The following SATB1 variants were observed in gnomAD, a reference collection of about 807,000 sequenced individuals.
SATB1 encodes the protein SATB homeobox 1, also known as DNA-binding protein SATB1.
In SATB1, 11 loss-of-function variants were observed where a neutral mutation model predicts 86.9. The ratio of observed to expected loss-of-function variants is 0.13; its 90% CI spans 0.08 to 0.21. The LOEUF is 0.21. SATB1 is among the 10% of genes least tolerant of loss of function. The pLI, the probability that SATB1 is intolerant of heterozygous loss-of-function variation, is 1.00. For synonymous variants in SATB1, 357 were observed against 357.2 expected (o/e 1.00, Z 0.01); for missense variants, 551 against 937.6 (o/e 0.59, Z 5.39).
At chr3:18,427,935 A>G (rs181721241), upstream of SATB1, among the ~76,000 whole-genome samples, 16 of 152,390 alleles carry the variant, frequency 1.0e-4, no homozygotes, top group African/African-American at 3.8e-4. Flanking sequence ...CTAGTGGTAT[A>G]CATCACTGAT....
Position 18,347,572 on chromosome 3 carries a change from AAT to A in SATB1, c.*1596_*1597del, listed in dbSNP as rs1398156367. The A allele has an allele frequency of 6.6e-6, 1 of 152,176 alleles. No individual in the cohort carries two copies. Among genetic ancestry groups the A allele is most frequent in the Admixed American group, 6.5e-5 (1 of 15,280 alleles). 9.4% of individuals were successfully genotyped at this position (152,176 alleles called of 1,614,324 possible). A position where few individuals can be genotyped will look rare whatever the true frequency, so the allele number is the denominator to read the frequency against. On this transcript the variant is annotated 3_prime_UTR_variant, in exon 11 of 11. Coordinates refer to ENST00000338745, the MANE Select transcript of SATB1 (RefSeq NM_002971.6). ...TTTGTTACTATTAATGGCCTTTAGA[AAT>A]ATTTATACATTAGCTTAAGGAAAAG...
At chr3:18,441,816 G>T (rs1699250795), upstream of SATB1, among the ~76,000 whole-genome samples, 1 of 152,130 alleles carries the variant, frequency 6.6e-6, no homozygotes, top group Non-Finnish European at 1.5e-5. Flanking sequence ...AGATATTTTA[G>T]TCTTTACTAA....
chr3:18,360,814 T>C (rs749623590), intron 9 of SATB1, among the ~76,000 whole-genome samples: 51 of 152,108 alleles, frequency 3.4e-4, no homozygotes, highest in Non-Finnish European at 6.9e-4. Flanking sequence ...GCCTTAAATG[T>C]CTCCAAGCAC....
At chr3:18,409,054 G>C (rs568060943) in intron 5 of SATB1, 15 of 151,906 alleles carry the variant, frequency 9.9e-5, no homozygotes, top group Non-Finnish European at 1.8e-4. Flanking sequence ...TGAGGTCAAA[G>C]GAAACCTATT....
chr3:18,376,389 G>A (rs180766127), intron 9 of SATB1, among the ~76,000 whole-genome samples: 1 of 152,020 alleles, frequency 6.6e-6, no homozygotes, highest in East Asian at 1.9e-4. Context: ...TACATGTCCA[G>A]TTTCTCCATT....
intron 5 of SATB1, chr3:18,409,579 T>A (rs562597835): frequency 6.6e-6 from 1 of 151,972 alleles, no homozygotes; most frequent in African/African-American, 2.4e-5. Context: ...ATTACAGTAA[T>A]ACAATTGCTG....
At chr3:18,410,619 T>C (rs1393708666) in intron 5 of SATB1, among the ~76,000 whole-genome samples, 1 of 152,112 alleles carries the variant, frequency 6.6e-6, no homozygotes, top group East Asian at 1.9e-4. Flanking sequence ...GGAAATGGAA[T>C]GCCTGGCATA....
chr3:18,382,722 A>G (rs1696127281), intron 8 of SATB1, among the ~76,000 whole-genome samples: 1 of 152,216 alleles, frequency 6.6e-6, no homozygotes, highest in Non-Finnish European at 1.5e-5. Flanking sequence ...TTTGTCAAAC[A>G]AGTTATTTCA....
At chr3:18,380,866 T>C (rs1025418709) in intron 8 of SATB1, among the ~76,000 whole-genome samples, 7 of 152,196 alleles carry the variant, frequency 4.6e-5, no homozygotes, top group African/African-American at 7.2e-5. Flanking sequence ...TATTTTAGCT[T>C]AGTACAAAAA....
chr3:18,412,608 T>C (rs1036432224), intron 5 of SATB1, among the ~76,000 whole-genome samples: 3 of 152,092 alleles, frequency 2.0e-5, no homozygotes, highest in Non-Finnish European at 4.4e-5. Flanking sequence ...GGCTTAACAC[T>C]TGGCATTTCT....
intron 9 of SATB1, among the ~76,000 whole-genome samples, chr3:18,354,235 T>C (rs148095879): frequency 0.013 from 2,010 of 152,342 alleles, 48 homozygotes; most frequent in African/African-American, 0.046. Flanking sequence ...CATGAAAATA[T>C]ACATTTTCCT....
intron 9 of SATB1, among the ~76,000 whole-genome samples, chr3:18,372,657 G>C (rs781543010): frequency 2.6e-5 from 4 of 151,976 alleles, no homozygotes; most frequent in Non-Finnish European, 5.9e-5. Flanking sequence ...CTCAAAAGAA[G>C]GCATATTCAG....
chr3:18,436,513 A>G (rs943005503), intron 2 of SATB1, among the ~76,000 whole-genome samples: 19 of 152,064 alleles, frequency 1.2e-4, no homozygotes, highest in Non-Finnish European at 2.6e-4. Context: ...TACCAAAAAA[A>G]AAAAAAAAAA....
intron 1 of SATB1, chr3:18,445,256 G>A (rs1699360890): frequency 1.0e-6 from 1 of 982,616 alleles, no homozygotes; most frequent in South Asian, 4.5e-5. Context: ...GGCGACACTA[G>A]GCGCACTGAA....
In SATB1 at chr3:18,352,423, C is replaced by T; in HGVS notation, c.1576-228G>A. The T allele has an allele frequency of 2.0e-6, 1 of 498,158 alleles. No homozygotes were observed. Among genetic ancestry groups the T allele is most frequent in the South Asian group, 2.6e-5 (1 of 39,072 alleles). The allele number at this position is 498,158 out of a possible 1,614,324, so 30.9% of individuals were successfully genotyped here. A position where few individuals can be genotyped will look rare whatever the true frequency, so the allele number is the denominator to read the frequency against. ...TCAGATTTGCATCTCAAAGGAGGGA[C>T]ATATTTTTTCAGACTCTGAGGGTAA... On this transcript the variant is annotated intron_variant, in intron 9 of 10. Coordinates refer to ENST00000338745, the MANE Select transcript of SATB1 (RefSeq NM_002971.6). This position sits in a 1 kb window ranked among gnomAD's most constrained non-coding sequence, Gnocchi z 4.1.
chr3:18,403,031 A>T (rs1697349643), intron 5 of SATB1, among the ~76,000 whole-genome samples: 1 of 152,138 alleles, frequency 6.6e-6, no homozygotes. Context: ...CTAAGGGTGA[A>T]TAGCAAGAGA....
intron 9 of SATB1, among the ~76,000 whole-genome samples, chr3:18,357,991 A>G (rs925097098): frequency 3.9e-5 from 6 of 152,000 alleles, no homozygotes; most frequent in African/African-American, 1.4e-4. Context: ...AAACAGTGGC[A>G]AAGCAATACT....
At chr3:18,407,508 C>G (rs1277906205) in intron 5 of SATB1, among the ~76,000 whole-genome samples, 3 of 152,054 alleles carry the variant, frequency 2.0e-5, no homozygotes, top group Non-Finnish European at 4.4e-5. Flanking sequence ...TTATGGCACA[C>G]TTTAGGACTG....
intron 9 of SATB1, among the ~76,000 whole-genome samples, chr3:18,362,263 A>C (rs1192386126): frequency 2.6e-5 from 4 of 152,098 alleles, no homozygotes; most frequent in Non-Finnish European, 4.4e-5. Flanking sequence ...ATCACAAACA[A>C]ATGTGAACAC....
Sources: allele counts gnomAD v4.1 joint callset (sites outside exome capture counted in the v4.1 genomes callset), GRCh38; gene constraint gnomAD v4.1.1; non-coding constraint Gnocchi (gnomAD v3.1); transcripts MANE v1.5; gene names NCBI Gene and HGNC (gene_info 2026-07-23, HGNC 2026-07-21).